The following SLC2A7 variants were observed in gnomAD, a reference collection of about 807,000 sequenced individuals.
SLC2A7 encodes solute carrier family 2, facilitated glucose transporter member 7.
SLC2A7 carries 50 observed loss-of-function variants against 50.5 expected under a neutral mutation model. The observed-to-expected ratio is 0.99, with a 90% CI of 0.79 to 1.25. The LOEUF is 1.25. Ranked by LOEUF, SLC2A7 falls within the 50% of genes most tolerant of loss-of-function variation. The probability of loss-of-function intolerance (pLI) is 0.00; values close to 1 mark genes in which losing one functional copy is unlikely to be tolerated. For synonymous variants in SLC2A7, 308 were observed against 300.4 expected (o/e 1.03, Z -0.26); for missense variants, 683 against 679.1 (o/e 1.01, Z -0.06).
In SLC2A7 at chr1:9,025,003, G is replaced by A; in HGVS notation, c.123C>T (p.Asn41=). ...AFGSAFQYGY[N]LSVVNTPHKV... is the part of the protein sequence containing the mutation. ...TGTGCGGCGTGTTGACCACAGAGAG[G>A]TTGTAGCCGTACTGGAAGGCTGAGC... The change falls in exon 2 of 12, where the codon AAC becomes AAT. Residue 41 remains asparagine (N), a synonymous_variant. Transcript: ENST00000400906. 2.5e-6 allele frequency: 4 copies of A among 1,613,374 alleles called. No individual in the cohort carries two copies. In the African/African-American group the frequency reaches 4.0e-5, roughly 16 times the overall value.
At chr1:9,005,538 G>A (rs767593525) in intron 10 of SLC2A7, among the ~76,000 whole-genome samples, 4 of 151,942 alleles carry the variant, frequency 2.6e-5, no homozygotes, top group Admixed American at 6.6e-5. Context: ...TCCCACCCCC[G>A]CTTAGGTGGT....
rs140406910 is a variant in SLC2A7, at chr1:9,018,458, C to T, written c.437-83G>A. On this transcript the variant is annotated intron_variant, in intron 4 of 11. Transcript: ENST00000400906. ...GCAATTCAATTCCGTTTCCTAATCC[C>T]GGGGCTTCTCCATGCTGTCAGCCCC... 230 of 1,549,314 alleles carry T rather than the reference C, an allele frequency of 1.5e-4. 1 individual carries two copies. The East Asian group carries it at 3.8e-3, about 25-fold the overall frequency.
Position 9,025,073 on chromosome 1 carries a change from C to G in SLC2A7, c.53G>C (p.Arg18Pro), listed in dbSNP as rs765956041. 4 of 1,613,642 alleles carry G rather than the reference C, an allele frequency of 2.5e-6. No homozygotes were observed. Among genetic ancestry groups the G allele is most frequent in the East Asian group, 4.5e-5 (2 of 44,858 alleles). ...CGCCAGCAACAGCGTCGGCTGGAGC[C>G]GCTGTAGGAGACAAGTCCAAGGTCG... ...TPPPIPSREG[R>P]LQPTLLLATL... Residue 18 changes from arginine to proline, a missense_variant and splice_region_variant, in exon 2 of 12, where the codon CGG (arginine) becomes CCG (proline). Physicochemically the swap from Arg to Pro is moderately radical, Grantham distance 103. Transcript: ENST00000400906.
intron 8 of SLC2A7, among the ~76,000 whole-genome samples, chr1:9,011,403 C>T (rs1640747303): frequency 6.6e-6 from 1 of 152,222 alleles, no homozygotes; most frequent in Admixed American, 6.5e-5. Context: ...CCTGTAATCT[C>T]AGCGCTTTGG....
intron 9 of SLC2A7, among the ~76,000 whole-genome samples, chr1:9,009,705 G>A (rs945877053): frequency 3.3e-5 from 5 of 152,184 alleles, no homozygotes; most frequent in East Asian, 1.9e-4. Context: ...GGGTCCTCCT[G>A]CCTTGGCCTC....
At chr1:9,020,939 A>G (rs1640904734) in intron 3 of SLC2A7, among the ~76,000 whole-genome samples, 1 of 152,114 alleles carries the variant, frequency 6.6e-6, no homozygotes, top group Non-Finnish European at 1.5e-5. Context: ...GCTGCCATTC[A>G]TGGAAGATGT....
intron 5 of SLC2A7, among the ~76,000 whole-genome samples, chr1:9,016,345 C>T (rs1557650867): frequency 6.6e-6 from 1 of 152,208 alleles, no homozygotes; most frequent in African/African-American, 2.4e-5. Flanking sequence ...TGGCTCATGC[C>T]TGTAATCCCT....
chr1:9,024,999 A>G lies in SLC2A7; in HGVS notation c.127T>C (p.Ser43Pro), dbSNP rs1362686642. ...ACCTTGTGCGGCGTGTTGACCACAG[A>G]GAGGTTGTAGCCGTACTGGAAGGCT... Reference protein sequence around the residue: ...GSAFQYGYNLSVVNTPHKVFK... With the variant: ...GSAFQYGYNLPVVNTPHKVFK... The change falls in exon 2 of 12, where the codon TCT becomes CCT. Residue 43 changes from serine to proline, a missense_variant. By Grantham distance (74) the Ser-to-Pro change is moderately conservative. Coordinates refer to ENST00000400906, the MANE Select transcript of SLC2A7 (RefSeq NM_207420.3). 2 of 1,609,368 alleles carry G rather than the reference A, an allele frequency of 1.2e-6. No homozygotes were observed. The highest frequency in any genetic ancestry group is 1.7e-6 in the Non-Finnish European group (2 of 1,178,806).
At chr1:8,999,025 C>T (rs540724278), downstream of SLC2A7, among the ~76,000 whole-genome samples, 3 of 152,242 alleles carry the variant, frequency 2.0e-5, no homozygotes, top group South Asian at 6.2e-4. Context: ...ATTATGTCCT[C>T]TTTAAATGTT....
downstream of SLC2A7, among the ~76,000 whole-genome samples, chr1:8,998,875 C>A (rs1032986024): frequency 6.6e-6 from 1 of 152,122 alleles, no homozygotes; most frequent in Non-Finnish European, 1.5e-5. Context: ...TGTATCTATG[C>A]TCATGAGTGA....
intron 10 of SLC2A7, among the ~76,000 whole-genome samples, chr1:9,005,765 G>C (rs1419568506): frequency 7.3e-6 from 1 of 136,640 alleles, no homozygotes; most frequent in Admixed American, 7.7e-5. Context: ...CTGGGCAACA[G>C]AGTGAGACTC....
chr1:9,014,490 A>T (rs1431882227), intron 7 of SLC2A7, among the ~76,000 whole-genome samples, 191 bp downstream of exon 7: 3 of 152,188 alleles, frequency 2.0e-5, no homozygotes, highest in African/African-American at 7.2e-5. Flanking sequence ...GAGAAAAATG[A>T]AGCTGGCATG....
chr1:9,022,529 C>T (rs1005612951), intron 3 of SLC2A7, among the ~76,000 whole-genome samples: 7 of 152,090 alleles, frequency 4.6e-5, no homozygotes, highest in African/African-American at 1.2e-4. Flanking sequence ...CAAAGACACG[C>T]GGGGAGAGGC....
chr1:9,015,771 C>T (rs574418402), intron 5 of SLC2A7, among the ~76,000 whole-genome samples: 7 of 150,766 alleles, frequency 4.6e-5, no homozygotes, highest in East Asian at 3.9e-4. Context: ...TCAGCCAAGC[C>T]GAAGTGCAAT....
At position 9,022,920 on chromosome 1, in the gene SLC2A7, G is replaced by C. The variant is rs1393121861; in HGVS notation, c.309C>G (p.Gly103=). The C allele has an allele frequency of 6.2e-7, 1 of 1,613,842 alleles. No individual in the cohort carries two copies. Among genetic ancestry groups the C allele is most frequent in the East Asian group, 2.2e-5 (1 of 44,874 alleles). The change falls in exon 3 of 12, where the codon GGC becomes GGG. Residue 103 remains glycine (G), a splice_region_variant and synonymous_variant. Transcript: ENST00000400906. ...LLVGLLVDSC[G]RKGTLLINNI... is the part of the protein sequence containing the mutation. ...GGAGCAGTGCACCTTCTGTTTACCT[G>C]CCGCAGCTATCAACCAGCAGGCCCA...
chr1:9,016,716 G>A (rs1278856490), intron 5 of SLC2A7, among the ~76,000 whole-genome samples: 2 of 151,772 alleles, frequency 1.3e-5, no homozygotes, highest in African/African-American at 2.4e-5. Flanking sequence ...AGGAAAGAAG[G>A]GAAAGAGAAA....
rs780410986 is a variant in SLC2A7, at chr1:9,010,193, C to T, written c.1066G>A (p.Gly356Ser). 26 of 1,551,866 alleles carry T rather than the reference C, an allele frequency of 1.7e-5. No individual in the cohort carries two copies. The highest frequency in any genetic ancestry group is 1.6e-4 in the Admixed American group (8 of 51,024). Residue 356 changes from glycine to serine, a missense_variant, in exon 9 of 12, where the codon GGC becomes AGC. By Grantham distance (56) the Gly-to-Ser change is moderately conservative. Transcript: ENST00000400906. ...ACCAGGCAGGCAGAGCCGCAGATGC[C>T]GTAGCCGGCCAGCAGGAGGTGCCGC... is the stretch of plus-strand genomic sequence containing the variant. The part of the protein sequence containing the change: ...GRRHLLLAGY[G>S]ICGSACLVLT...
At chr1:9,025,512 TGA>T (rs1183099212) in intron 1 of SLC2A7, among the ~76,000 whole-genome samples, 2 of 151,982 alleles carry the variant, frequency 1.3e-5, no homozygotes, top group Non-Finnish European at 2.9e-5. Context: ...CTGTGAGGAA[TGA>T]GAGACTGTGT....
rs1415780070 is a variant in SLC2A7, at chr1:9,013,574, T to C, written c.965A>G (p.Tyr322Cys). 2 of 1,613,940 alleles carry C rather than the reference T, an allele frequency of 1.2e-6. No homozygotes were observed. Among genetic ancestry groups the C allele is most frequent in the Middle Eastern group, 1.7e-4 (1 of 6,022 alleles). Residue 322 changes from tyrosine to cysteine, a missense_variant, in exon 8 of 12, where the codon TAT becomes TGT. Transcript: ENST00000400906. ...SAGVEAAHSQ[Y>C]VTVGSGVVNI... ...GACGACGCCAGAGCCCACCGTTACA[T>C]ATTGGGAGTGAGCGGCCTCCACGCC...
Sources: gnomAD v4.1 joint callset for allele counts (sites outside exome capture counted in the v4.1 genomes callset) on GRCh38, gnomAD v4.1.1 for gene constraint, MANE v1.5 for transcripts, NCBI Gene and HGNC (gene_info 2026-07-23, HGNC 2026-07-21) for gene names.